The following G6PC1 variants were observed in gnomAD, a reference collection of about 807,000 sequenced individuals.
The protein encoded by G6PC1 is G-6-Pase.
A neutral mutation model predicts 30.4 loss-of-function variants in G6PC1; 23 were observed. The observed-to-expected ratio is 0.76, with a 90% confidence interval of 0.55 to 1.07. The LOEUF (loss-of-function observed/expected upper bound fraction) is 1.07, where lower values mean the gene tolerates loss of function less well. Among genes scored for constraint, G6PC1 ranks in the 50% least tolerant of loss-of-function variants. The pLI is 0.00. For synonymous variants in G6PC1, 163 were observed against 175.6 expected, an observed-to-expected ratio of 0.93 and a Z score of 0.57; for missense variants, 391 against 433.9, an observed-to-expected ratio of 0.90 and a Z score of 0.88.
chr17:42,906,812 C>T (rs907785112), intron 2 of G6PC1, among the ~76,000 whole-genome samples: 6 of 151,890 alleles, frequency 4.0e-5, no homozygotes, highest in Non-Finnish European at 7.4e-5. Context: ...TCCAGGAGGT[C>T]GAGGCTGCAG....
At position 42,911,326 on chromosome 17, in the gene G6PC1, T is replaced by C. The variant is rs778587726; in HGVS notation, c.974T>C (p.Leu325Ser). The stretch of plus-strand genomic sequence containing the variant: ...CAAGTCGAGCTGGTCTTCTACGTCT[T>C]GTCCTTCTGCAAGAGTGCGGTAGTG... ...PSQVELVFYV[L>S]SFCKSAVVPL... The change falls in exon 5 of 5, where the codon TTG (leucine) becomes TCG (serine). Residue 325 changes from leucine (L) to serine (S), a missense_variant. Physicochemically the swap from Leu to Ser is moderately radical, Grantham distance 145. Coordinates refer to ENST00000253801, the MANE Select transcript of G6PC1 (RefSeq NM_000151.4). 13 of 1,614,226 alleles carry C rather than the reference T, an allele frequency of 8.1e-6. No homozygotes were observed. Among genetic ancestry groups the C allele is most frequent in the Non-Finnish European group, 1.0e-5 (12 of 1,180,046 alleles).
At chr17:42,902,983 A>G (rs2151929722) in intron 1 of G6PC1, among the ~76,000 whole-genome samples, 1 of 152,134 alleles carries the variant, frequency 6.6e-6, no homozygotes, top group Non-Finnish European at 1.5e-5. Flanking sequence ...TGCAAGTCCA[A>G]GTTTCAAACT....
chr17:42,904,983 A>T (rs1294113738), intron 2 of G6PC1, among the ~76,000 whole-genome samples: 1 of 151,848 alleles, frequency 6.6e-6, no homozygotes, highest in Non-Finnish European at 1.5e-5. Context: ...GTGATGGCAC[A>T]CGCCTGTAGT....
intron 1 of G6PC1, among the ~76,000 whole-genome samples, chr17:42,903,083 T>A (rs1183348012): frequency 1.3e-5 from 2 of 149,438 alleles, no homozygotes; most frequent in Non-Finnish European, 3.0e-5. Context: ...TTTCAGGATT[T>A]TTTTTTTTTT....
rs1408032738 is a variant in G6PC1 at position 42,901,014 on chromosome 17, C to T, written c.138C>T (p.Leu46=). 6.2e-7 allele frequency: 1 copy of T among 1,614,118 alleles called. No individual in the cohort carries two copies. The highest frequency in any genetic ancestry group is 8.5e-7 in the Non-Finnish European group (1 of 1,180,056). Residue 46 remains leucine, a synonymous_variant, in exon 1 of 5, where the codon CTC becomes CTT. Transcript: ENST00000253801. Reference sequence around the variant, plus strand: ...ACCTCAGGAATGCCTTCTACGTCCTCTTCCCCATCTGGTTCCATCTTCAGG... The same window carrying T: ...ACCTCAGGAATGCCTTCTACGTCCTTTTCCCCATCTGGTTCCATCTTCAGG... The part of the protein sequence containing the change: ...IADLRNAFYV[L]FPIWFHLQEA...
intron 2 of G6PC1, among the ~76,000 whole-genome samples, chr17:42,904,650 A>G (rs2056047446): frequency 6.6e-6 from 1 of 152,120 alleles, no homozygotes; most frequent in Admixed American, 6.6e-5. Flanking sequence ...TTTACCTCAG[A>G]GCATATTCAC....
At chr17:42,909,879 T>C (rs2056084812) in intron 4 of G6PC1, among the ~76,000 whole-genome samples, 1 of 151,856 alleles carries the variant, frequency 6.6e-6, no homozygotes, top group Non-Finnish European at 1.5e-5. Context: ...TTTTTTTTTT[T>C]TGAGATGGAG....
intron 1 of G6PC1, among the ~76,000 whole-genome samples, chr17:42,901,676 G>C (rs2056027226): frequency 6.6e-6 from 1 of 151,154 alleles, no homozygotes; most frequent in Non-Finnish European, 1.5e-5. Context: ...CTGCACTCCA[G>C]CCTGGGCAAC....
chr17:42,909,351 T>G lies in G6PC1; in HGVS notation c.495T>G (p.Asn165Lys). 1 of 1,614,196 alleles carries G rather than the reference T, an allele frequency of 6.2e-7. No individual in the cohort carries two copies. The highest frequency in any genetic ancestry group is 8.5e-7 in the Non-Finnish European group (1 of 1,180,034). Residue 165 changes from asparagine (N) to lysine (K), a missense_variant, in exon 4 of 5, where the codon AAT becomes AAG. Asn to Lys is a moderately conservative substitution (Grantham distance 94). Coordinates refer to ENST00000253801, the MANE Select transcript of G6PC1 (RefSeq NM_000151.4). Reference sequence around the variant, plus strand: ...TGGGATTCTGGGCTGTGCAGCTGAATGTCTGTCTGTCACGAATCTACCTTG... The same window carrying G: ...TGGGATTCTGGGCTGTGCAGCTGAAGGTCTGTCTGTCACGAATCTACCTTG... ...LWLGFWAVQL[N>K]VCLSRIYLAA... is the part of the protein sequence containing the mutation.
chr17:42,908,657 A>T (rs1330591217), intron 3 of G6PC1, among the ~76,000 whole-genome samples: 3 of 147,878 alleles, frequency 2.0e-5, no homozygotes, highest in African/African-American at 7.6e-5. Flanking sequence ...CATCCGCCTC[A>T]GCCTCCCAAA....
intron 3 of G6PC1, among the ~76,000 whole-genome samples, chr17:42,908,703 C>A (rs1356142781): frequency 7.8e-6 from 1 of 127,428 alleles, no homozygotes; most frequent in Non-Finnish European, 1.6e-5. Flanking sequence ...CCGCGCCTGG[C>A]CTTTTTTTTT....
intron 2 of G6PC1, among the ~76,000 whole-genome samples, chr17:42,906,827 C>A (rs940595816): frequency 4.6e-5 from 7 of 152,042 alleles, no homozygotes; most frequent in Admixed American, 3.3e-4. Context: ...CTGCAGTGAG[C>A]TATGATCATG....
intron 4 of G6PC1, 90 bp from the exon 5 acceptor site, chr17:42,910,825 G>T (rs764823896): frequency 2.7e-5 from 33 of 1,233,432 alleles, no homozygotes; most frequent in Admixed American, 1.2e-4. Context: ...GTCGCAGAAC[G>T]GATGGCATGT....
intron 4 of G6PC1, 149 bp downstream of exon 4, chr17:42,909,567 C>T: frequency 1.4e-6 from 1 of 722,308 alleles, no homozygotes; most frequent in Non-Finnish European, 2.5e-6. Flanking sequence ...GAATGAGCAA[C>T]TTGAAATGAT....
intron 4 of G6PC1, 57 bp downstream of exon 4, chr17:42,909,475 C>T (rs1319598636): frequency 8.1e-7 from 1 of 1,241,164 alleles, no homozygotes; most frequent in Admixed American, 1.7e-5. Context: ...GTTTCTCTCC[C>T]TAATCAGGAC....
At position 42,912,121 on chromosome 17, in the gene G6PC1, T is replaced by A. The variant is rs1387471321; in HGVS notation, c.*695T>A. 1 of 153,650 alleles carries A rather than the reference T, an allele frequency of 6.5e-6. No individual in the cohort carries two copies. Among genetic ancestry groups the A allele is most frequent in the Non-Finnish European group, 1.4e-5 (1 of 69,078 alleles). 9.5% of individuals were successfully genotyped at this position (153,650 alleles called of 1,614,324 possible). On this transcript the variant is annotated 3_prime_UTR_variant, in exon 5 of 5. Transcript: ENST00000253801. ...AGTATGTGGCGTATCATGCAAGTGC[T>A]ATGCCAAGCCATGTCTAAATGGCTT...
At chr17:42,901,669 C>T (rs1021899845) in intron 1 of G6PC1, among the ~76,000 whole-genome samples, 2 of 150,330 alleles carry the variant, frequency 1.3e-5, no homozygotes, top group Non-Finnish European at 3.0e-5. Flanking sequence ...CATGCCACTG[C>T]ACTCCAGCCT....
intron 1 of G6PC1, among the ~76,000 whole-genome samples, 169 bp downstream of exon 1, chr17:42,901,275 G>GA (rs1442866793): frequency 2.6e-5 from 4 of 152,222 alleles, no homozygotes; most frequent in East Asian, 1.9e-4. Context: ...GGGGAAGACA[G>GA]AAAAAATCCT....
In G6PC1 at chr17:42,913,631, C is replaced by G. The variant is rs2056109899; in HGVS notation, c.*2205C>G. 6.6e-6 allele frequency among the ~76,000 whole-genome samples: 1 copy of G among 152,174 alleles called. No individual in the cohort carries two copies. Among genetic ancestry groups the G allele is most frequent in the East Asian group, 1.9e-4 (1 of 5,200 alleles). On this transcript the variant is annotated 3_prime_UTR_variant, in exon 5 of 5. Coordinates refer to ENST00000253801, the MANE Select transcript of G6PC1 (RefSeq NM_000151.4). ...AGAATGAACATTGGCTACCAGACCA[C>G]AAGTCAGCATGAGTTGCTCTATGGC... is the stretch of plus-strand genomic sequence containing the variant.
Sources: gnomAD v4.1 joint callset for allele counts (sites outside exome capture counted in the v4.1 genomes callset) on GRCh38, gnomAD v4.1.1 for gene constraint, MANE v1.5 for transcripts, NCBI Gene and HGNC (gene_info 2026-07-23, HGNC 2026-07-21) for gene names.